RAB7A: variants seen among roughly 807,000 people sequenced by gnomAD.
RAB7A encodes the protein RAB7A, member RAS oncogene family.
RAB7A carries 2 observed loss-of-function variants against 24.5 expected under a neutral mutation model. The ratio of observed to expected loss-of-function variants is 0.08; its 90% CI spans 0.03 to 0.26. The LOEUF is 0.26. Among genes scored for constraint, RAB7A ranks in the 10% least tolerant of loss-of-function variants. RAB7A has a pLI of 1.00. For missense variants in RAB7A, 118 were observed against 255.7 expected, an observed-to-expected ratio of 0.46 and a Z score of 3.67; for synonymous variants, 100 against 95.9, an observed-to-expected ratio of 1.04 and a Z score of -0.25.
intron 1 of RAB7A, among the ~76,000 whole-genome samples, chr3:128,771,717 T>G (rs551795860): frequency 6.6e-6 from 1 of 152,240 alleles, no homozygotes; most frequent in Admixed American, 6.5e-5. Context: ...TTTTTGCAAT[T>G]ACTTTTAAAG....
At chr3:128,808,530 C>G (rs943165275) in intron 5 of RAB7A, among the ~76,000 whole-genome samples, 2 of 152,030 alleles carry the variant, frequency 1.3e-5, no homozygotes, top group Admixed American at 6.6e-5. Flanking sequence ...GTTAAGTAAA[C>G]AACACAAAGA....
chr3:128,726,614 A>G (rs1385030533), intron 1 of RAB7A, among the ~76,000 whole-genome samples: 3 of 151,996 alleles, frequency 2.0e-5, no homozygotes, highest in African/African-American at 2.4e-5. Context: ...CGCTCTGTTT[A>G]CTGTTGGCCT....
At chr3:128,769,003 CAG>C (rs1018087607) in intron 1 of RAB7A, among the ~76,000 whole-genome samples, 1 of 92,906 alleles carries the variant, frequency 1.1e-5, no homozygotes, top group African/African-American at 4.6e-5. Context: ...TTTAAGGAAA[CAG>C]GGTCTCACTC....
At chr3:128,806,626 C>G in intron 4 of RAB7A, 36 bp downstream of exon 4, 1 of 1,580,772 alleles carries the variant, frequency 6.3e-7, no homozygotes, top group Non-Finnish European at 8.7e-7. Context: ...GTCACAGACA[C>G]CTGCTCCCCA....
chr3:128,774,980 C>T (rs558867057), intron 1 of RAB7A, among the ~76,000 whole-genome samples: 15 of 152,192 alleles, frequency 9.9e-5, no homozygotes, highest in East Asian at 9.7e-4. Flanking sequence ...GGGGTTTCAC[C>T]GTTGTTGGCC....
chr3:128,736,116 C>T lies in RAB7A; in HGVS notation c.-9+9757C>T, dbSNP rs551942060. Among the ~76,000 whole-genome samples, 7 of 151,758 alleles carry T rather than the reference C, an allele frequency of 4.6e-5. No individual in the cohort carries two copies. In the East Asian group the frequency reaches 1.4e-3, roughly 29 times the overall value. On this transcript the variant is annotated intron_variant, in intron 1 of 5. Transcript: ENST00000265062. ...CTTTACATTTCATAGAGGTTGTTAC[C>T]TTGTTTAAACTTCACAATTTAAGCA...
chr3:128,809,693 T>C lies in RAB7A; in HGVS notation c.528+2022T>C, dbSNP rs563574341. Among the ~76,000 whole-genome samples the C allele has an allele frequency of 4.6e-5, 7 of 152,282 alleles. No homozygotes were observed. In the East Asian group the frequency reaches 1.4e-3, roughly 29 times the overall value. On this transcript the variant is annotated intron_variant, in intron 5 of 5. Transcript: ENST00000265062. ...TTCAGCTGGAATTTGTTTTGGCTTA[T>C]GGCAGAAAAGAGAGACTTGCCTTTC...
At chr3:128,743,792 C>T (rs1411786154) in intron 1 of RAB7A, among the ~76,000 whole-genome samples, 2 of 141,236 alleles carry the variant, frequency 1.4e-5, no homozygotes, top group African/African-American at 2.6e-5. Context: ...TTCTCTCTCT[C>T]TTTTTTTTTT....
chr3:128,749,451 A>G (rs925872375), intron 1 of RAB7A: 1 of 152,166 alleles, frequency 6.6e-6, no homozygotes, highest in African/African-American at 2.4e-5. Context: ...ACCTTAGCGA[A>G]GCTACCCCGG....
At chr3:128,810,573 T>C (rs1933902136) in intron 5 of RAB7A, among the ~76,000 whole-genome samples, 2 of 152,194 alleles carry the variant, frequency 1.3e-5, no homozygotes, top group Admixed American at 1.3e-4. Context: ...CCCATGCCCT[T>C]TCTGCTGTGT....
intron 5 of RAB7A, among the ~76,000 whole-genome samples, chr3:128,812,701 GAT>G (rs1933952397): frequency 6.6e-6 from 1 of 152,222 alleles, no homozygotes. Context: ...CACAGATGGT[GAT>G]AAAATTCATT....
chr3:128,778,513 C>T (rs1024804937), intron 1 of RAB7A, among the ~76,000 whole-genome samples: 1 of 152,172 alleles, frequency 6.6e-6, no homozygotes, highest in Admixed American at 6.5e-5. Flanking sequence ...TGAAGCCTAA[C>T]CAACTGTTGT....
chr3:128,776,785 ATGGCTG>A (rs1293735573), intron 1 of RAB7A, among the ~76,000 whole-genome samples: 3 of 152,070 alleles, frequency 2.0e-5, no homozygotes, highest in Non-Finnish European at 4.4e-5. Context: ...GTTTTCCATA[ATGGCTG>A]TACTGATTTA....
At position 128,813,396 on chromosome 3, in the gene RAB7A, G is replaced by A; in HGVS notation, c.598G>A (p.Ala200Thr). 6.2e-7 allele frequency: 1 copy of A among 1,614,200 alleles called. No individual in the cohort carries two copies. The highest frequency in any genetic ancestry group is 1.1e-5 in the South Asian group (1 of 91,084). The stretch of plus-strand genomic sequence containing the variant: ...ACTGGACAAGAATGACCGGGCCAAG[G>A]CCTCGGCAGAAAGCTGCAGTTGCTG... ...IKLDKNDRAK[A>T]SAESCSC is the part of the protein sequence containing the mutation. Residue 200 changes from alanine to threonine, a missense_variant, in exon 6 of 6, where the codon GCC becomes ACC. Around this residue, in one of 2 missense-constraint regions of RAB7A, gnomAD observed 66 missense variants for 82.2 expected, o/e 0.80. Coordinates refer to ENST00000265062, the MANE Select transcript of RAB7A (RefSeq NM_004637.6).
At chr3:128,750,639 A>G (rs2070671781) in intron 1 of RAB7A, among the ~76,000 whole-genome samples, 1 of 152,214 alleles carries the variant, frequency 6.6e-6, no homozygotes, top group Non-Finnish European at 1.5e-5. Context: ...TTTATAAGGG[A>G]AGCAGAGCAT....
In RAB7A at chr3:128,771,731, C is replaced by T. The variant is rs1201264580; in HGVS notation, c.-8-23629C>T. Reference sequence around the variant, plus strand: ...GTTTTTGCAATTACTTTTAAAGTTTCAGAACCCTGATTTGAAGCAGAGCGT... The same window carrying T: ...GTTTTTGCAATTACTTTTAAAGTTTTAGAACCCTGATTTGAAGCAGAGCGT... On this transcript the variant is annotated intron_variant, in intron 1 of 5. Transcript: ENST00000265062. Among the ~76,000 whole-genome samples the T allele has an allele frequency of 2.6e-5, 4 of 152,308 alleles. No homozygotes were observed. The East Asian group carries it at 7.7e-4, about 29-fold the overall frequency.
intron 3 of RAB7A, among the ~76,000 whole-genome samples, chr3:128,800,519 G>A (rs544698830): frequency 4.6e-5 from 7 of 152,262 alleles, no homozygotes; most frequent in African/African-American, 9.6e-5. Flanking sequence ...GATCCACAGC[G>A]CACTGTGGGC....
chr3:128,769,585 A>G (rs540092979), intron 1 of RAB7A, among the ~76,000 whole-genome samples: 1 of 152,180 alleles, frequency 6.6e-6, no homozygotes, highest in Middle Eastern at 3.4e-3. Context: ...GTGTCTTTCC[A>G]TTCTATTAAT....
chr3:128,814,276 T>C lies in RAB7A; in HGVS notation c.*854T>C, dbSNP rs1165618814. 1 of 152,944 alleles carries C rather than the reference T, an allele frequency of 6.5e-6. No homozygotes were observed. Among genetic ancestry groups the C allele is most frequent in the African/African-American group, 2.4e-5 (1 of 41,464 alleles). The allele number at this position is 152,944 out of a possible 1,614,324, so 9.5% of individuals were successfully genotyped here. The stretch of plus-strand genomic sequence containing the variant: ...CAAAGACTTAAGAGCCAAAAAGCTT[T>C]TCATCTCTCCAGGGGGAAAACTGTC... On this transcript the variant is annotated 3_prime_UTR_variant, in exon 6 of 6. Coordinates refer to ENST00000265062, the MANE Select transcript of RAB7A (RefSeq NM_004637.6).
Sources: allele counts gnomAD v4.1 joint callset (sites outside exome capture counted in the v4.1 genomes callset), GRCh38; gene constraint gnomAD v4.1.1; regional missense constraint gnomAD v4.1.1; transcripts MANE v1.5; gene names NCBI Gene and HGNC (gene_info 2026-07-23, HGNC 2026-07-21).